Variants in INTS4 observed in about 807,000 individuals in gnomAD.
INTS4 encodes integrator complex subunit 4.
Under a neutral mutation model 119.5 loss-of-function variants are expected in INTS4, and 70 were observed. That is an observed-to-expected ratio of 0.59 (90% CI 0.48 to 0.71). The LOEUF is 0.71. INTS4 is among the 30% of genes least tolerant of loss of function. The probability of loss-of-function intolerance (pLI) is 0.00; values close to 1 mark genes in which losing one functional copy is unlikely to be tolerated. For missense variants in INTS4, 867 were observed against 1,173.2 expected (o/e 0.74, Z 3.81); for synonymous variants, 316 against 419.6 (o/e 0.75, Z 3.02).
intron 9 of INTS4, among the ~76,000 whole-genome samples, chr11:77,939,442 CA>C (rs887339766): frequency 1.3e-5 from 2 of 148,174 alleles, no homozygotes; most frequent in Non-Finnish European, 3.0e-5. Context: ...GACTCCGCCT[CA>C]AAAAAAAAAT....
chr11:77,900,117 A>G (rs7943408), intron 18 of INTS4, among the ~76,000 whole-genome samples: 299 of 151,186 alleles, frequency 2.0e-3, no homozygotes, highest in African/African-American at 6.8e-3. Context: ...TTTTTTATAT[A>G]AAGATGGAGT....
chr11:77,982,692 C>T (rs958245653), intron 2 of INTS4, among the ~76,000 whole-genome samples: 23 of 152,096 alleles, frequency 1.5e-4, no homozygotes, highest in Admixed American at 2.6e-4. Context: ...AGCACAATAC[C>T]TGACACTGAA....
chr11:77,918,338 G>A (rs995798609), intron 15 of INTS4: 6 of 423,544 alleles, frequency 1.4e-5, no homozygotes, highest in Non-Finnish European at 2.2e-5. Context: ...TTGGGAGGCT[G>A]AAGTGGGAGA....
At position 77,878,723 on chromosome 11, in the gene INTS4, G is replaced by C; in HGVS notation, c.*226C>G. 1.4e-6 allele frequency: 1 copy of C among 695,312 alleles called. No individual in the cohort carries two copies. Among genetic ancestry groups the C allele is most frequent in the Non-Finnish European group, 2.6e-6 (1 of 383,448 alleles). The allele number at this position is 695,312 out of a possible 1,614,324, so 43.1% of individuals were successfully genotyped here. The stretch of plus-strand genomic sequence containing the variant: ...ACAGACCAGGAACTAGAACAGCTTG[G>C]TGTTTTCTCAACTTTATTGTGGACA... On this transcript the variant is annotated 3_prime_UTR_variant, in exon 23 of 23. Transcript: ENST00000534064.
chr11:77,920,830 C>T (rs1249415661), intron 14 of INTS4, among the ~76,000 whole-genome samples: 8 of 151,112 alleles, frequency 5.3e-5, no homozygotes, highest in African/African-American at 1.2e-4. Context: ...TCAGCCTGGG[C>T]GACAGAGCAA....
downstream of INTS4, among the ~76,000 whole-genome samples, chr11:77,878,289 G>C (rs922693857): frequency 1.3e-5 from 2 of 151,592 alleles, no homozygotes; most frequent in Admixed American, 6.6e-5. Context: ...TTGAACCCAG[G>C]AGGCAGAGGT....
chr11:77,932,515 TA>T (rs755974290), intron 10 of INTS4, among the ~76,000 whole-genome samples: 3 of 152,158 alleles, frequency 2.0e-5, no homozygotes, highest in Non-Finnish European at 4.4e-5. Flanking sequence ...GGTGGGAGTG[TA>T]AATTAGTTCA....
In INTS4 at chr11:77,979,939, C is replaced by T. The variant is rs1358486523; in HGVS notation, c.365-837G>A. On this transcript the variant is annotated intron_variant, in intron 3 of 22. Transcript: ENST00000534064. ...GTTGCAGTGAGCCGAGATCGCTCCA[C>T]TGCACTCCAGCCTAGGCGACAGAGC... Among the ~76,000 whole-genome samples the T allele has an allele frequency of 3.4e-5, 5 of 145,638 alleles. No individual in the cohort carries two copies. The East Asian group carries it at 1.0e-3, about 29-fold the overall frequency.
At position 77,912,409 on chromosome 11, in the gene INTS4, A is replaced by T. The variant is rs1953110379; in HGVS notation, c.1923-4599T>A. Among the ~76,000 whole-genome samples, 6 of 152,120 alleles carry T rather than the reference A, an allele frequency of 3.9e-5. No individual in the cohort carries two copies. In the South Asian group the frequency reaches 1.2e-3, roughly 32 times the overall value. On this transcript the variant is annotated intron_variant, in intron 15 of 22. Coordinates refer to ENST00000534064, the MANE Select transcript of INTS4 (RefSeq NM_033547.4). ...GATACACTGGGCCACTTTTCTTTAGATGCTATCAGGCAGAGCAAAACAGTT... is the reference window on the plus strand; with the variant it reads ...GATACACTGGGCCACTTTTCTTTAGTTGCTATCAGGCAGAGCAAAACAGTT...
At chr11:77,894,537 T>A (rs1392813011) in intron 18 of INTS4, among the ~76,000 whole-genome samples, 188 bp from the exon 19 acceptor site, 2 of 152,170 alleles carry the variant, frequency 1.3e-5, no homozygotes, top group Non-Finnish European at 2.9e-5. Context: ...AAGACCTGAT[T>A]AAACCACTGC....
At chr11:77,933,275 C>A (rs550747346) in intron 10 of INTS4, among the ~76,000 whole-genome samples, 1 of 151,932 alleles carries the variant, frequency 6.6e-6, no homozygotes, top group African/African-American at 2.4e-5. Context: ...ATGCCGAGCC[C>A]GAAGCTGGAC....
chr11:77,927,464 C>T (rs980007824), intron 11 of INTS4, among the ~76,000 whole-genome samples: 15 of 152,086 alleles, frequency 9.9e-5, no homozygotes, highest in Non-Finnish European at 2.9e-5. Flanking sequence ...CACATCTGAA[C>T]CCCATCTTCC....
chr11:77,968,889 G>GA (rs1427673500), intron 4 of INTS4, among the ~76,000 whole-genome samples: 1 of 151,998 alleles, frequency 6.6e-6, no homozygotes, highest in Non-Finnish European at 1.5e-5. Context: ...CCAAAACGTG[G>GA]AAAAAATGTA....
intron 11 of INTS4, among the ~76,000 whole-genome samples, chr11:77,927,213 G>A (rs1361344052): frequency 6.6e-6 from 1 of 152,122 alleles, no homozygotes; most frequent in East Asian, 1.9e-4. Context: ...GAAAGGAGTG[G>A]CTAGGCTATG....
At chr11:77,897,656 A>G (rs544563040) in intron 18 of INTS4, among the ~76,000 whole-genome samples, 6 of 140,824 alleles carry the variant, frequency 4.3e-5, no homozygotes, top group Non-Finnish European at 6.1e-5. Context: ...ACCTGCCACC[A>G]CGCCCGGCTA....
chr11:77,889,973 G>A (rs759455230), intron 21 of INTS4, among the ~76,000 whole-genome samples: 43 of 152,182 alleles, frequency 2.8e-4, no homozygotes, highest in Non-Finnish European at 5.1e-4. Context: ...AGTTCTGCTA[G>A]TATCACTGAC....
intron 3 of INTS4, among the ~76,000 whole-genome samples, chr11:77,979,616 C>A (rs1321138534): frequency 6.6e-6 from 1 of 150,880 alleles, no homozygotes; most frequent in Admixed American, 6.6e-5. Context: ...GTTCTATATA[C>A]ATAGTGTGCT....
chr11:77,974,238 C>CTTTTTT lies in INTS4; in HGVS notation c.471+4752_471+4757dup, dbSNP rs60093605. ...TTTATTGGTATATAATTTTTCTTTT[C>CTTTTTT]TTTTTTTTTTTTTTTTTTTTTTGAG... On this transcript the variant is annotated intron_variant, in intron 4 of 22. Coordinates refer to ENST00000534064, the MANE Select transcript of INTS4 (RefSeq NM_033547.4). 1.0e-3 allele frequency among the ~76,000 whole-genome samples: 84 copies of CTTTTTT among 84,310 alleles called. 1 individual carries two copies. Among genetic ancestry groups the CTTTTTT allele is most frequent in the East Asian group, 1.5e-3 (4 of 2,746 alleles). 55.3% of individuals were successfully genotyped at this position (84,310 alleles called of 152,430 possible).
At chr11:77,919,867 G>A (rs1235041981) in intron 14 of INTS4, among the ~76,000 whole-genome samples, 1 of 152,062 alleles carries the variant, frequency 6.6e-6, no homozygotes, top group Non-Finnish European at 1.5e-5. Context: ...GGAGTGCAGT[G>A]GCGCAATCTT....
Sources: allele counts gnomAD v4.1 joint callset (sites outside exome capture counted in the v4.1 genomes callset), GRCh38; gene constraint gnomAD v4.1.1; transcripts MANE v1.5; gene names NCBI Gene and HGNC (gene_info 2026-07-23, HGNC 2026-07-21).